The following STK39 variants were observed in gnomAD, a reference collection of about 807,000 sequenced individuals.
STK39 encodes the protein STE20/SPS1-related proline-alanine-rich protein kinase.
Under a neutral mutation model 77.8 loss-of-function variants are expected in STK39, and 20 were observed. That is an observed-to-expected ratio of 0.26 (90% CI 0.18 to 0.37). STK39 has a LOEUF of 0.37. STK39 is among the 10% of genes least tolerant of loss of function. The pLI, the probability that STK39 is intolerant of heterozygous loss-of-function variation, is 1.00. For synonymous variants in STK39, 246 were observed against 234.1 expected, an observed-to-expected ratio of 1.05 and a Z score of -0.47; for missense variants, 479 against 656.5, an observed-to-expected ratio of 0.73 and a Z score of 2.95.
chr2:168,102,745 C>T (rs964666347), intron 10 of STK39, among the ~76,000 whole-genome samples: 10 of 151,840 alleles, frequency 6.6e-5, no homozygotes, highest in Non-Finnish European at 1.2e-4. Flanking sequence ...CTGGCTAACA[C>T]GGTGAAACCC....
intron 12 of STK39, among the ~76,000 whole-genome samples, chr2:168,068,922 A>AT (rs972943643): frequency 1.4e-3 from 215 of 150,638 alleles, no homozygotes; most frequent in African/African-American, 5.0e-3. Context: ...TCGTAGAAAT[A>AT]TTTTTTTTTT....
At chr2:167,957,000 A>G (rs1691803543) in intron 17 of STK39, among the ~76,000 whole-genome samples, 1 of 151,536 alleles carries the variant, frequency 6.6e-6, no homozygotes, top group Non-Finnish European at 1.5e-5. Context: ...TACATTTAGA[A>G]TATGTACTAT....
chr2:168,000,553 T>C (rs1210860777), intron 16 of STK39, among the ~76,000 whole-genome samples: 1 of 152,212 alleles, frequency 6.6e-6, no homozygotes, highest in African/African-American at 2.4e-5. Flanking sequence ...TCTCATCTTA[T>C]TACTCAATAC....
At chr2:168,101,176 G>C (rs1424177144) in intron 10 of STK39, among the ~76,000 whole-genome samples, 1 of 152,098 alleles carries the variant, frequency 6.6e-6, no homozygotes, top group Non-Finnish European at 1.5e-5. Context: ...TTGGACACAG[G>C]GAGGGGAACA....
chr2:168,016,962 G>A, intron 15 of STK39, 81 bp downstream of exon 15: 1 of 1,098,066 alleles, frequency 9.1e-7, no homozygotes, highest in Non-Finnish European at 1.3e-6. Context: ...GTTTTAAATA[G>A]CAGATTATAA....
chr2:168,178,068 G>C (rs1688996775), intron 2 of STK39, among the ~76,000 whole-genome samples: 1 of 152,194 alleles, frequency 6.6e-6, no homozygotes, highest in Non-Finnish European at 1.5e-5. Flanking sequence ...TAGCATCTAA[G>C]GGGGTTTGAT....
intron 14 of STK39, among the ~76,000 whole-genome samples, chr2:168,027,239 C>A (rs1240750435): frequency 6.6e-6 from 1 of 152,164 alleles, no homozygotes; most frequent in African/African-American, 2.4e-5. Flanking sequence ...GTATCTCCAG[C>A]CACCATGGGC....
chr2:168,077,715 TG>T (rs1686116743), intron 10 of STK39, among the ~76,000 whole-genome samples: 1 of 152,112 alleles, frequency 6.6e-6, no homozygotes, highest in African/African-American at 2.4e-5. Flanking sequence ...CCAGGTTTCA[TG>T]GTGGATTTAT....
chr2:167,975,220 A>G (rs1460575268), intron 16 of STK39, among the ~76,000 whole-genome samples: 1 of 152,194 alleles, frequency 6.6e-6, no homozygotes, highest in Non-Finnish European at 1.5e-5. Flanking sequence ...CTCTTGGTTC[A>G]CCTCAATTGA....
At chr2:168,072,100 A>G in intron 12 of STK39, among the ~76,000 whole-genome samples, 1 of 152,190 alleles carries the variant, frequency 6.6e-6, no homozygotes, top group Non-Finnish European at 1.5e-5. Flanking sequence ...AGGCAGATCT[A>G]TAGTTCCTAA....
chr2:168,074,169 G>A (rs1374050244), intron 12 of STK39, among the ~76,000 whole-genome samples: 1 of 152,134 alleles, frequency 6.6e-6, no homozygotes, highest in Non-Finnish European at 1.5e-5. Flanking sequence ...CAAACTCCAT[G>A]ATGACAGGTA....
chr2:168,156,248 T>A (rs979420990), intron 5 of STK39, among the ~76,000 whole-genome samples: 1 of 152,202 alleles, frequency 6.6e-6, no homozygotes, highest in Non-Finnish European at 1.5e-5. Context: ...AGGGGAACCC[T>A]GAACAAGAAG....
At chr2:168,055,997 T>C (rs1354142372) in intron 14 of STK39, among the ~76,000 whole-genome samples, 1 of 152,106 alleles carries the variant, frequency 6.6e-6, no homozygotes, top group Non-Finnish European at 1.5e-5. Context: ...GATGACATTA[T>C]CATATATACT....
At chr2:167,997,992 G>A (rs1056901116) in intron 16 of STK39, among the ~76,000 whole-genome samples, 2 of 152,162 alleles carry the variant, frequency 1.3e-5, no homozygotes, top group African/African-American at 4.8e-5. Context: ...ATACAGTGCT[G>A]TATAATAATT....
intron 13 of STK39, among the ~76,000 whole-genome samples, chr2:168,064,015 A>C (rs1685730963): frequency 6.6e-6 from 1 of 152,156 alleles, no homozygotes; most frequent in African/African-American, 2.4e-5. Context: ...CATTTTCTTG[A>C]ATATTGATTA....
intron 1 of STK39, 34 bp downstream of exon 1, chr2:168,247,194 C>A: frequency 8.5e-7 from 1 of 1,171,338 alleles, no homozygotes; most frequent in Non-Finnish European, 1.1e-6. Context: ...CGGCGCCCGG[C>A]CTGTGCCGGC....
At chr2:168,058,777 G>A (rs970030701) in intron 14 of STK39, among the ~76,000 whole-genome samples, 4 of 152,182 alleles carry the variant, frequency 2.6e-5, no homozygotes, top group Admixed American at 1.3e-4. Flanking sequence ...TCACATCATC[G>A]TCACTATGTC....
intron 1 of STK39, among the ~76,000 whole-genome samples, chr2:168,222,018 A>G (rs2271740): frequency 0.21 from 31,516 of 152,026 alleles, 3,968 homozygotes; most frequent in Non-Finnish European, 0.29. Flanking sequence ...CCCACATGGC[A>G]CCTTGAACTA....
intron 10 of STK39, among the ~76,000 whole-genome samples, chr2:168,088,293 T>A (rs970409768): frequency 2.0e-5 from 3 of 152,234 alleles, no homozygotes; most frequent in Non-Finnish European, 4.4e-5. Context: ...ATACATTTGG[T>A]CTATTACTCA....
Sources: gnomAD v4.1 joint callset for allele counts (sites outside exome capture counted in the v4.1 genomes callset) on GRCh38, gnomAD v4.1.1 for gene constraint, MANE v1.5 for transcripts, NCBI Gene and HGNC (gene_info 2026-07-23, HGNC 2026-07-21) for gene names.